The following ZNF618 variants were observed in gnomAD, a reference collection of about 807,000 sequenced individuals.
ZNF618 encodes neural precursor cell expressed, developmentally down-regulated 10.
Under a neutral mutation model 103.0 loss-of-function variants are expected in ZNF618, and 34 were observed. The ratio of observed to expected loss-of-function variants is 0.33; its 90% CI spans 0.25 to 0.44. The LOEUF is 0.44. Among genes scored for constraint, ZNF618 ranks in the 20% least tolerant of loss-of-function variants. ZNF618 has a pLI of 1.00. For missense variants in ZNF618, 1,059 were observed against 1,295.4 expected (o/e 0.82, Z 2.80); for synonymous variants, 551 against 542.2 (o/e 1.02, Z -0.23).
chr9:113,943,627 G>A (rs1242265808), intron 1 of ZNF618, among the ~76,000 whole-genome samples: 2 of 151,436 alleles, frequency 1.3e-5, no homozygotes, highest in Non-Finnish European at 2.9e-5. Flanking sequence ...TAAATCTGAA[G>A]TTTTATGTAA....
intron 2 of ZNF618, among the ~76,000 whole-genome samples, chr9:113,985,646 G>A (rs1839405769): frequency 6.6e-6 from 1 of 152,210 alleles, no homozygotes; most frequent in Admixed American, 6.5e-5. Flanking sequence ...CTCTGTTCTG[G>A]ATGCTGAAGG....
chr9:113,977,508 A>C (rs2067599175), intron 2 of ZNF618, among the ~76,000 whole-genome samples: 1 of 152,010 alleles, frequency 6.6e-6, no homozygotes, highest in Admixed American at 6.5e-5. Flanking sequence ...TGTGTGCAGG[A>C]TGGTCTTTGC....
At position 113,951,950 on chromosome 9, in the gene ZNF618, C is replaced by T. The variant is rs115886179; in HGVS notation, c.34-17167C>T. Among the ~76,000 whole-genome samples, 276 of 152,208 alleles carry T rather than the reference C, an allele frequency of 1.8e-3. 1 individual carries two copies. The highest frequency in any genetic ancestry group is 6.0e-3 in the African/African-American group (249 of 41,514). ...TCAGACATTGATGAGCTTGGAGCCCCGCTTTCTTTCAGTGACTGCCTTGAG... is the reference window on the plus strand; with the variant it reads ...TCAGACATTGATGAGCTTGGAGCCCTGCTTTCTTTCAGTGACTGCCTTGAG... On this transcript the variant is annotated intron_variant, in intron 1 of 14. Coordinates refer to ENST00000374126, the MANE Select transcript of ZNF618 (RefSeq NM_001318042.2).
intron 1 of ZNF618, among the ~76,000 whole-genome samples, chr9:113,963,547 T>A (rs963995596): frequency 1.3e-5 from 2 of 152,142 alleles, no homozygotes; most frequent in Non-Finnish European, 2.9e-5. Flanking sequence ...TTCAAAATTG[T>A]CCCCTAGTGG....
At chr9:113,949,532 C>A (rs1588126354) in intron 1 of ZNF618, among the ~76,000 whole-genome samples, 1 of 152,152 alleles carries the variant, frequency 6.6e-6, no homozygotes, top group South Asian at 2.1e-4. Flanking sequence ...GTGCTCACTA[C>A]CTCAGTCAGA....
At chr9:113,888,553 G>T (rs551516343) in intron 1 of ZNF618, among the ~76,000 whole-genome samples, 9 of 152,266 alleles carry the variant, frequency 5.9e-5, no homozygotes, top group Non-Finnish European at 1.0e-4. Flanking sequence ...TGTAAGGTAT[G>T]CTTGGAGCCA....
intron 2 of ZNF618, among the ~76,000 whole-genome samples, chr9:113,972,221 C>A (rs13285272): frequency 0.12 from 18,800 of 151,956 alleles, 1,244 homozygotes; most frequent in East Asian, 0.18. Flanking sequence ...CTAATTTTTG[C>A]ATCTTTTTGT....
intron 1 of ZNF618, among the ~76,000 whole-genome samples, chr9:113,927,806 C>T (rs894019051): frequency 2.0e-5 from 3 of 152,186 alleles, no homozygotes; most frequent in Non-Finnish European, 2.9e-5. Flanking sequence ...GTTACTTTGT[C>T]CCTACCCCAC....
At chr9:113,886,622 T>C (rs2130914264) in intron 1 of ZNF618, among the ~76,000 whole-genome samples, 1 of 152,248 alleles carries the variant, frequency 6.6e-6, no homozygotes, top group East Asian at 1.9e-4. Context: ...GAAACTAGTC[T>C]GAAATGAGAC....
At chr9:113,878,144 G>A (rs1828133608) in intron 1 of ZNF618, among the ~76,000 whole-genome samples, 1 of 147,308 alleles carries the variant, frequency 6.8e-6, no homozygotes, top group Non-Finnish European at 1.5e-5. Flanking sequence ...TTCAAAGGGG[G>A]AAAAATCCAT....
rs117161884 is a variant in ZNF618 at position 114,012,886 on chromosome 9, C to T, written c.755-3809C>T. Among the ~76,000 whole-genome samples the T allele has an allele frequency of 2.2e-3, 338 of 152,076 alleles. 7 individuals carry two copies. In the East Asian group the frequency reaches 0.044, roughly 20 times the overall value. ...AAAAATTTGCTTAGCTAAAGGAAGA[C>T]CTGTATATGCAGATTTAATATCTGC... is the stretch of plus-strand genomic sequence containing the variant. On this transcript the variant is annotated intron_variant, in intron 9 of 14. Coordinates refer to ENST00000374126, the MANE Select transcript of ZNF618 (RefSeq NM_001318042.2).
At chr9:113,948,223 C>T (rs1460354085) in intron 1 of ZNF618, among the ~76,000 whole-genome samples, 3 of 152,210 alleles carry the variant, frequency 2.0e-5, no homozygotes, top group Non-Finnish European at 2.9e-5. Flanking sequence ...TCGCCATTGT[C>T]AACCCTGGAT....
intron 2 of ZNF618, among the ~76,000 whole-genome samples, chr9:113,985,370 C>T (rs186490773): frequency 6.6e-6 from 1 of 152,310 alleles, no homozygotes; most frequent in Admixed American, 6.5e-5. Flanking sequence ...TTCTTGTTGG[C>T]CAGCAGTAGG....
At chr9:113,914,071 C>T (rs562206631) in intron 1 of ZNF618, among the ~76,000 whole-genome samples, 2 of 152,124 alleles carry the variant, frequency 1.3e-5, no homozygotes, top group South Asian at 2.1e-4. Flanking sequence ...CCCTTTCCCC[C>T]TCTAAGCACA....
intron 1 of ZNF618, among the ~76,000 whole-genome samples, chr9:113,931,512 T>C (rs571130937): frequency 2.6e-5 from 4 of 152,246 alleles, no homozygotes; most frequent in Non-Finnish European, 4.4e-5. Flanking sequence ...AATGCTTGGC[T>C]GGGTTGGAAT....
chr9:113,902,822 T>C (rs1830676999), intron 1 of ZNF618, among the ~76,000 whole-genome samples: 1 of 152,216 alleles, frequency 6.6e-6, no homozygotes, highest in Admixed American at 6.5e-5. Context: ...CTGGCTATTA[T>C]AACTGGAGAA....
At chr9:114,043,896 T>G (rs1022059254) in intron 13 of ZNF618, among the ~76,000 whole-genome samples, 1 of 152,210 alleles carries the variant, frequency 6.6e-6, no homozygotes, top group African/African-American at 2.4e-5. Context: ...TTGATGGGAT[T>G]GTTTATTTTG....
Position 113,988,345 on chromosome 9 carries a change from G to A in ZNF618, c.102G>A (p.Lys34=), listed in dbSNP as rs780151611. 22 of 1,612,866 alleles carry A rather than the reference G, an allele frequency of 1.4e-5. No individual in the cohort carries two copies. Among genetic ancestry groups the A allele is most frequent in the Non-Finnish European group, 1.8e-5 (21 of 1,179,776 alleles). ...ASRERLKRSQ[K]STKVEGPEPV... is the part of the protein sequence containing the mutation. ...GGGAGCGCTTGAAGCGCAGCCAGAAGAGCACCAAGGTGGAGGGCCCAGAGC... is the reference window on the plus strand; with the variant it reads ...GGGAGCGCTTGAAGCGCAGCCAGAAAAGCACCAAGGTGGAGGGCCCAGAGC... Residue 34 remains lysine (K), a synonymous_variant, in exon 3 of 15, where the codon AAG becomes AAA. Transcript: ENST00000374126.
intron 2 of ZNF618, among the ~76,000 whole-genome samples, chr9:113,972,988 G>T (rs1335183895): frequency 2.0e-5 from 3 of 152,134 alleles, no homozygotes; most frequent in Non-Finnish European, 4.4e-5. Flanking sequence ...AGAATCACTT[G>T]AACCCAGGAG....
Sources: gnomAD v4.1 joint callset for allele counts (sites outside exome capture counted in the v4.1 genomes callset) on GRCh38, gnomAD v4.1.1 for gene constraint, MANE v1.5 for transcripts, NCBI Gene and HGNC (gene_info 2026-07-23, HGNC 2026-07-21) for gene names.